GPAT3: variants seen among roughly 807,000 people sequenced by gnomAD.
GPAT3 encodes the protein glycerol-3-phosphate acyltransferase 3.
Under a neutral mutation model 58.8 loss-of-function variants are expected in GPAT3, and 53 were observed. The ratio of observed to expected loss-of-function variants is 0.90; its 90% CI spans 0.72 to 1.13. The LOEUF (loss-of-function observed/expected upper bound fraction) is 1.13. Among genes scored for constraint, GPAT3 ranks in the 50% most tolerant of loss-of-function variants. The probability of loss-of-function intolerance (pLI) is 0.00; values close to 1 mark genes in which losing one functional copy is unlikely to be tolerated. For synonymous variants in GPAT3, 197 were observed against 187.4 expected (o/e 1.05, Z -0.42); for missense variants, 511 against 527.6 (o/e 0.97, Z 0.31).
At chr4:83,547,340 C>T (rs1220151935) in intron 2 of GPAT3, among the ~76,000 whole-genome samples, 3 of 149,420 alleles carry the variant, frequency 2.0e-5, no homozygotes, top group Non-Finnish European at 4.4e-5. Flanking sequence ...GCAAGCTCCG[C>T]CTCCCAGATT....
intron 2 of GPAT3, among the ~76,000 whole-genome samples, chr4:83,551,487 AT>A (rs33960272): frequency 6.6e-6 from 1 of 151,282 alleles, no homozygotes; most frequent in Non-Finnish European, 1.5e-5. Context: ...TGTATTTATA[AT>A]TTTTTTTCTT....
Position 83,536,880 on chromosome 4 carries a change from G to A in GPAT3, c.141+117G>A, listed in dbSNP as rs149344934. 619 of 918,486 alleles carry A rather than the reference G, an allele frequency of 6.7e-4. 4 individuals carry two copies. In the African/African-American group the frequency reaches 8.4e-3, roughly 12 times the overall value. The allele number at this position is 918,486 out of a possible 1,614,324, so 56.9% of individuals were successfully genotyped here. ...GGTGTGTGTGCGCGCGTGTGCATGC[G>A]TGCGTGCATTTCTGTTCCTTGCCCG... is the stretch of plus-strand genomic sequence containing the variant. On this transcript the variant is annotated intron_variant, in intron 1 of 11. Coordinates refer to ENST00000264409, the MANE Select transcript of GPAT3 (RefSeq NM_032717.5).
At chr4:83,563,756 C>T (rs759193070) in intron 2 of GPAT3, among the ~76,000 whole-genome samples, 4 of 152,128 alleles carry the variant, frequency 2.6e-5, no homozygotes, top group Admixed American at 1.3e-4. Context: ...GTTAGGATTA[C>T]AGGCATGAGC....
In GPAT3 at chr4:83,543,322, C is replaced by T. The variant is rs556468836; in HGVS notation, c.142-1214C>T. On this transcript the variant is annotated intron_variant, in intron 1 of 11. Transcript: ENST00000264409. ...ATGTTCAATAATAATTATTACAGTA[C>T]TTTTTAGTATAAAAGCCCTTGGGAT... is the stretch of plus-strand genomic sequence containing the variant. Among the ~76,000 whole-genome samples, 237 of 152,160 alleles carry T rather than the reference C, an allele frequency of 1.6e-3. 1 individual carries two copies. The highest frequency in any genetic ancestry group is 6.8e-3 in the Middle Eastern group (2 of 294).
At chr4:83,596,519 G>A (rs1021208332) in intron 7 of GPAT3, among the ~76,000 whole-genome samples, 4 of 152,082 alleles carry the variant, frequency 2.6e-5, no homozygotes, top group African/African-American at 9.7e-5. Context: ...CTACTTGGGA[G>A]GCTGAGGAGG....
At chr4:83,599,824 AT>A (rs1344509683) in intron 11 of GPAT3, among the ~76,000 whole-genome samples, 5 of 152,152 alleles carry the variant, frequency 3.3e-5, no homozygotes, top group African/African-American at 1.2e-4. Flanking sequence ...GCCCTAGTAA[AT>A]TCCTAATACC....
intron 2 of GPAT3, among the ~76,000 whole-genome samples, chr4:83,575,103 C>T (rs1314321203): frequency 6.6e-6 from 1 of 151,980 alleles, no homozygotes; most frequent in Non-Finnish European, 1.5e-5. Context: ...GTCTCGATCT[C>T]CTGACCTCGT....
In GPAT3 at chr4:83,568,569, G is replaced by A. The variant is rs112535842; in HGVS notation, c.209-12993G>A. Among the ~76,000 whole-genome samples the A allele has an allele frequency of 4.0e-3, 610 of 150,982 alleles. 9 individuals are homozygous for A. The highest frequency in any genetic ancestry group is 0.014 in the African/African-American group (587 of 41,050). The stretch of plus-strand genomic sequence containing the variant: ...GTTGCCCAGGCTGGAGTGCTGTGGC[G>A]CGATCTAGGCTCATTGCAAGCTCCG... On this transcript the variant is annotated intron_variant, in intron 2 of 11. Coordinates refer to ENST00000264409, the MANE Select transcript of GPAT3 (RefSeq NM_032717.5).
chr4:83,588,167 G>C, intron 4 of GPAT3, 43 bp from the exon 5 acceptor site: 4 of 1,548,746 alleles, frequency 2.6e-6, no homozygotes, highest in Non-Finnish European at 3.6e-6. Flanking sequence ...TGTTTCTTAA[G>C]AGTGCCCAGA....
rs139226112 is a variant in GPAT3, at chr4:83,598,056, C to A, written c.1002C>A (p.Asn334Lys). The change falls in exon 10 of 12, where the codon AAC (asparagine) becomes AAA (lysine). Residue 334 changes from asparagine to lysine, a missense_variant. Physicochemically the swap from Asn to Lys is moderately conservative, Grantham distance 94. Transcript: ENST00000264409. ...TGTATTTTCTTTTTTCTCAGTATAA[C>A]CCTCAGTTCGGTGATGCATTTTGGA... Reference protein sequence around the residue: ...GTIHPVAIKYNPQFGDAFWNS... With the variant: ...GTIHPVAIKYKPQFGDAFWNS... 6.2e-7 allele frequency: 1 copy of A among 1,613,394 alleles called. No homozygotes were observed. Among genetic ancestry groups the A allele is most frequent in the South Asian group, 1.1e-5 (1 of 90,982 alleles).
intron 11 of GPAT3, among the ~76,000 whole-genome samples, chr4:83,602,506 T>G (rs961065812): frequency 7.2e-5 from 11 of 152,164 alleles, no homozygotes; most frequent in Admixed American, 6.6e-4. Context: ...TGAGTGAAAA[T>G]ATAATTTTAT....
rs139663847 is a variant in GPAT3, at chr4:83,548,363, G to A, written c.208+3761G>A. ...AAGAGGCACCAGCCTTACTCTTTGG[G>A]CATCTGATTTCCAGGGATTATGATG... On this transcript the variant is annotated intron_variant, in intron 2 of 11. Coordinates refer to ENST00000264409, the MANE Select transcript of GPAT3 (RefSeq NM_032717.5). Among the ~76,000 whole-genome samples the A allele has an allele frequency of 1.8e-4, 27 of 152,236 alleles. No individual in the cohort carries two copies. In the East Asian group the frequency reaches 4.6e-3, roughly 26 times the overall value.
intron 3 of GPAT3, among the ~76,000 whole-genome samples, chr4:83,585,978 C>G (rs1208655448): frequency 2.7e-5 from 4 of 149,860 alleles, no homozygotes; most frequent in African/African-American, 1.0e-4. Context: ...TTCTGGAGCC[C>G]TGGGTTCAAA....
chr4:83,595,733 C>T (rs1726798863), intron 7 of GPAT3, among the ~76,000 whole-genome samples: 1 of 151,768 alleles, frequency 6.6e-6, no homozygotes, highest in South Asian at 2.1e-4. Flanking sequence ...AAAGAAGATC[C>T]AGCTAGAGAC....
At chr4:83,576,961 T>TA (rs1249000060) in intron 2 of GPAT3, among the ~76,000 whole-genome samples, 4 of 152,042 alleles carry the variant, frequency 2.6e-5, no homozygotes, top group Admixed American at 6.6e-5. Context: ...AGAGAAAAAA[T>TA]ACTAATGTTA....
At chr4:83,560,300 T>C (rs1366167494) in intron 2 of GPAT3, among the ~76,000 whole-genome samples, 2 of 152,232 alleles carry the variant, frequency 1.3e-5, no homozygotes, top group Non-Finnish European at 2.9e-5. Context: ...TGTGGCCTGC[T>C]CTTCACCAGT....
chr4:83,588,676 C>G (rs532700475), intron 5 of GPAT3, among the ~76,000 whole-genome samples: 1 of 152,226 alleles, frequency 6.6e-6, no homozygotes, highest in South Asian at 2.1e-4. Context: ...GGTTTTGAGC[C>G]ATGTCTCTCT....
At chr4:83,559,498 T>C (rs1319272722) in intron 2 of GPAT3, among the ~76,000 whole-genome samples, 1 of 152,090 alleles carries the variant, frequency 6.6e-6, no homozygotes, top group African/African-American at 2.4e-5. Flanking sequence ...TAATTTTTTG[T>C]ATTTTAGTAG....
chr4:83,539,346 T>A (rs1311888311), intron 1 of GPAT3, among the ~76,000 whole-genome samples: 5 of 152,252 alleles, frequency 3.3e-5, no homozygotes, highest in Non-Finnish European at 7.3e-5. Flanking sequence ...TTCCCAAGAA[T>A]ATTCTTTGGG....
Sources: allele counts gnomAD v4.1 joint callset (sites outside exome capture counted in the v4.1 genomes callset), GRCh38; gene constraint gnomAD v4.1.1; transcripts MANE v1.5; gene names NCBI Gene and HGNC (gene_info 2026-07-23, HGNC 2026-07-21).